The following SEZ6L variants were observed in gnomAD, a reference collection of about 807,000 sequenced individuals.
The protein encoded by SEZ6L is seizure 6-like protein.
Under a neutral mutation model 106.2 loss-of-function variants are expected in SEZ6L, and 37 were observed. The ratio of observed to expected loss-of-function variants is 0.35; its 90% CI spans 0.27 to 0.46. The LOEUF is 0.46. Among genes scored for constraint, SEZ6L ranks in the 20% least tolerant of loss-of-function variants. The pLI, the probability that SEZ6L is intolerant of heterozygous loss-of-function variation, is 1.00. For synonymous variants in SEZ6L, 541 were observed against 570.4 expected (o/e 0.95, Z 0.73); for missense variants, 1,172 against 1,332.8 (o/e 0.88, Z 1.88).
intron 1 of SEZ6L, among the ~76,000 whole-genome samples, chr22:26,194,589 A>G (rs1940459012): frequency 6.6e-6 from 1 of 152,224 alleles, no homozygotes; most frequent in Non-Finnish European, 1.5e-5. Flanking sequence ...ACCATTGGAC[A>G]TAATATGCAC....
intron 9 of SEZ6L, among the ~76,000 whole-genome samples, chr22:26,327,083 G>A (rs1024947498): frequency 1.3e-5 from 2 of 152,102 alleles, no homozygotes; most frequent in Non-Finnish European, 2.9e-5. Context: ...CAGAATGGCA[G>A]GAAGCGGCGA....
chr22:26,286,765 G>A (rs910635330), intron 1 of SEZ6L, among the ~76,000 whole-genome samples: 1 of 51,742 alleles, frequency 1.9e-5, no homozygotes, highest in Non-Finnish European at 3.9e-5. Flanking sequence ...TTTTTTTTTT[G>A]AGATGGAATT....
intron 1 of SEZ6L, among the ~76,000 whole-genome samples, chr22:26,225,133 A>G (rs996384324): frequency 3.3e-5 from 5 of 152,256 alleles, no homozygotes; most frequent in Non-Finnish European, 5.9e-5. Context: ...CAGGGCATCA[A>G]GAGAGAGGAG....
chr22:26,218,806 G>A (rs1392072050), intron 1 of SEZ6L, among the ~76,000 whole-genome samples: 1 of 152,094 alleles, frequency 6.6e-6, no homozygotes. Flanking sequence ...GTGTAGTGGT[G>A]CATGCTTGTA....
chr22:26,201,382 C>CAAAAAAAAAAAAAA (rs71192905), intron 1 of SEZ6L, among the ~76,000 whole-genome samples: 1 of 75,318 alleles, frequency 1.3e-5, no homozygotes, highest in African/African-American at 5.7e-5. Flanking sequence ...TACAAAAATA[C>CAAAAAAAAAAAAAA]AAAAAAAAAA....
At chr22:26,297,667 C>T (rs1274949224) in intron 4 of SEZ6L, among the ~76,000 whole-genome samples, 1 of 152,078 alleles carries the variant, frequency 6.6e-6, no homozygotes, top group Non-Finnish European at 1.5e-5. Context: ...ACTGGTTTTC[C>T]TTTTTGTCTG....
At position 26,375,562 on chromosome 22, in the gene SEZ6L, C is replaced by T. The variant is rs1568959002; in HGVS notation, c.2828-13C>T. ...ACCTGGGAAATGAGGACCTCACTGG[C>T]TCCTGTGTTCAGTAGCAGAAGCGGC... On this transcript the variant is annotated splice_polypyrimidine_tract_variant and intron_variant, in intron 14 of 16. Coordinates refer to ENST00000248933, the MANE Select transcript of SEZ6L (RefSeq NM_021115.5). 6.2e-7 allele frequency: 1 copy of T among 1,610,158 alleles called. No individual in the cohort carries two copies. Among genetic ancestry groups the T allele is most frequent in the African/African-American group, 1.3e-5 (1 of 74,958 alleles).
intron 1 of SEZ6L, among the ~76,000 whole-genome samples, chr22:26,225,278 T>C (rs1307602409): frequency 1.3e-5 from 2 of 152,186 alleles, no homozygotes; most frequent in Admixed American, 1.3e-4. Context: ...GGAAGCCAAC[T>C]CAGTCAGAGA....
chr22:26,195,483 A>C (rs1018337060), intron 1 of SEZ6L, among the ~76,000 whole-genome samples: 19 of 152,212 alleles, frequency 1.2e-4, no homozygotes, highest in Non-Finnish European at 2.2e-4. Flanking sequence ...ATTAAATGAG[A>C]TCATAATATG....
chr22:26,340,727 C>A, intron 10 of SEZ6L, 95 bp downstream of exon 10: 1 of 1,004,058 alleles, frequency 1.0e-6, no homozygotes, highest in Admixed American at 2.8e-5. Flanking sequence ...TGTACTACAG[C>A]GATTTTTCAT....
At chr22:26,362,175 C>A (rs2083657289) in intron 12 of SEZ6L, among the ~76,000 whole-genome samples, 1 of 152,178 alleles carries the variant, frequency 6.6e-6, no homozygotes, top group African/African-American at 2.4e-5. Flanking sequence ...TAGAGTGCTG[C>A]CTTGGAGGGA....
At chr22:26,324,935 T>C (rs1422387399) in intron 9 of SEZ6L, among the ~76,000 whole-genome samples, 1 of 152,174 alleles carries the variant, frequency 6.6e-6, no homozygotes, top group African/African-American at 2.4e-5. Context: ...GCGTTGTGCT[T>C]CTGGTCTTAG....
chr22:26,238,479 A>G (rs935389549), intron 1 of SEZ6L, among the ~76,000 whole-genome samples: 3 of 152,220 alleles, frequency 2.0e-5, no homozygotes, highest in Non-Finnish European at 4.4e-5. Context: ...ACCTGTGTTG[A>G]GCCAGGCAGT....
chr22:26,208,581 C>T (rs1221969702), intron 1 of SEZ6L, among the ~76,000 whole-genome samples: 1 of 152,076 alleles, frequency 6.6e-6, no homozygotes, highest in Non-Finnish European at 1.5e-5. Flanking sequence ...CATATGCATA[C>T]AATATGTACA....
Position 26,377,725 on chromosome 22 carries a change from A to T in SEZ6L, c.2995A>T (p.Ser999Cys). 1 of 1,614,062 alleles carries T rather than the reference A, an allele frequency of 6.2e-7. No individual in the cohort carries two copies. The highest frequency in any genetic ancestry group is 1.1e-5 in the South Asian group (1 of 91,090). The change falls in exon 16 of 17, where the codon AGC becomes TGC. Residue 999 changes from serine (S) to cysteine (C), a missense_variant. By Grantham distance (112) the Ser-to-Cys change is moderately radical (BLOSUM62 -1). Transcript: ENST00000248933. ...GCCTCTGATGTACTCCCACCCCTAC[A>T]GCCAGATCACCGTGGAAACCGAGTT... ...RLPLMYSHPY[S>C]QITVETEFDN...
At position 26,380,411 on chromosome 22, in the gene SEZ6L, TA is replaced by T; in HGVS notation, c.*117del. Reference sequence around the variant, plus strand: ...CCCAGAATGTCGACTGTCTTTTGTTTAGACTCTTTATCAAAGGTTTACTGTT... The same window carrying T: ...CCCAGAATGTCGACTGTCTTTTGTTTGACTCTTTATCAAAGGTTTACTGTT... On this transcript the variant is annotated 3_prime_UTR_variant, in exon 17 of 17. Transcript: ENST00000248933. The T allele has an allele frequency of 1.3e-6, 1 of 774,018 alleles. No homozygotes were observed. Among genetic ancestry groups the T allele is most frequent in the South Asian group, 1.7e-5 (1 of 58,670 alleles). The allele number at this position is 774,018 out of a possible 1,614,324, so 47.9% of individuals were successfully genotyped here. A position where few individuals can be genotyped will look rare whatever the true frequency, so the allele number is the denominator to read the frequency against.
At chr22:26,227,539 CT>C (rs1338745241) in intron 1 of SEZ6L, among the ~76,000 whole-genome samples, 2 of 151,778 alleles carry the variant, frequency 1.3e-5, no homozygotes, top group Non-Finnish European at 2.9e-5. Flanking sequence ...TTCTGAGTAG[CT>C]GGGGGGCTAC....
intron 1 of SEZ6L, among the ~76,000 whole-genome samples, chr22:26,230,142 T>C (rs2078753860): frequency 6.6e-6 from 1 of 152,156 alleles, no homozygotes; most frequent in South Asian, 2.1e-4. Flanking sequence ...CCAGCTCAGC[T>C]TACAGGCTGT....
chr22:26,262,253 T>TATCTATCC (rs1321056375), intron 1 of SEZ6L, among the ~76,000 whole-genome samples: 5 of 149,578 alleles, frequency 3.3e-5, no homozygotes, highest in African/African-American at 1.3e-4. Context: ...TTTATCTATC[T>TATCTATCC]ATCTATCTAT....
Sources: allele counts gnomAD v4.1 joint callset (sites outside exome capture counted in the v4.1 genomes callset), GRCh38; gene constraint gnomAD v4.1.1; transcripts MANE v1.5; gene names NCBI Gene and HGNC (gene_info 2026-07-23, HGNC 2026-07-21).